Variants in PAK5 observed in about 807,000 individuals in gnomAD.
The protein encoded by PAK5 is serine/threonine-protein kinase PAK 5.
Under a neutral mutation model 65.9 loss-of-function variants are expected in PAK5, and 16 were observed. That is an observed-to-expected ratio of 0.24 (90% CI 0.16 to 0.37). The LOEUF (loss-of-function observed/expected upper bound fraction) is 0.37, where lower values mean the gene tolerates loss of function less well. PAK5 is among the 10% of genes least tolerant of loss of function. The pLI is 1.00. For synonymous variants in PAK5, 371 were observed against 354.9 expected (o/e 1.05, Z -0.51); for missense variants, 785 against 903.9 (o/e 0.87, Z 1.69).
At chr20:9,705,345 A>G (rs1420013301) in intron 2 of PAK5, among the ~76,000 whole-genome samples, 1 of 152,168 alleles carries the variant, frequency 6.6e-6, no homozygotes, top group Non-Finnish European at 1.5e-5. Flanking sequence ...ATTAGTAACC[A>G]GGGAAAATCA....
chr20:9,767,750 T>C (rs1423669282), intron 1 of PAK5, among the ~76,000 whole-genome samples: 1 of 152,162 alleles, frequency 6.6e-6, no homozygotes, highest in Non-Finnish European at 1.5e-5. Flanking sequence ...TCAGTGGTAT[T>C]GGGGGTTTGT....
intron 2 of PAK5, among the ~76,000 whole-genome samples, chr20:9,690,275 G>C (rs2047774726): frequency 6.6e-6 from 1 of 152,190 alleles, no homozygotes; most frequent in South Asian, 2.1e-4. Context: ...AGTGGCTGCT[G>C]TTCTTCAATA....
intron 2 of PAK5, among the ~76,000 whole-genome samples, chr20:9,657,461 T>C (rs2047284251): frequency 6.6e-6 from 1 of 152,240 alleles, no homozygotes; most frequent in Non-Finnish European, 1.5e-5. Flanking sequence ...TGAATAATAC[T>C]GTACAGGTTA....
At chr20:9,705,474 G>T (rs747524523) in intron 2 of PAK5, among the ~76,000 whole-genome samples, 1 of 152,160 alleles carries the variant, frequency 6.6e-6, no homozygotes, top group Non-Finnish European at 1.5e-5. Flanking sequence ...TGTTGGGAGT[G>T]TAAATTGCTA....
chr20:9,826,110 C>T (rs556644216), intron 1 of PAK5, among the ~76,000 whole-genome samples: 122 of 152,262 alleles, frequency 8.0e-4, no homozygotes, highest in Non-Finnish European at 9.0e-4. Context: ...CATGAAGAAA[C>T]ATGGTCAGTG....
chr20:9,729,210 G>T (rs933981138), intron 1 of PAK5, among the ~76,000 whole-genome samples: 1 of 151,666 alleles, frequency 6.6e-6, no homozygotes, highest in African/African-American at 2.4e-5. Context: ...ACTCCAGCCT[G>T]GGTGACAGAG....
At chr20:9,825,325 AGTAAG>A (rs1249359736) in intron 1 of PAK5, among the ~76,000 whole-genome samples, 1 of 152,212 alleles carries the variant, frequency 6.6e-6, no homozygotes, top group African/African-American at 2.4e-5. Flanking sequence ...ATTATTTTTT[AGTAAG>A]GTACAGTGAT....
At chr20:9,668,011 G>A (rs2047442879) in intron 2 of PAK5, among the ~76,000 whole-genome samples, 1 of 152,078 alleles carries the variant, frequency 6.6e-6, no homozygotes, top group South Asian at 2.1e-4. Flanking sequence ...ATGGAAATTT[G>A]AGTAGAATCT....
At chr20:9,771,583 T>TTTTTTTTG in intron 1 of PAK5, among the ~76,000 whole-genome samples, 1 of 18,488 alleles carries the variant, frequency 5.4e-5, no homozygotes, top group Non-Finnish European at 1.2e-4. Context: ...AATTTTTTAA[T>TTTTTTTTG]TTTTTTTTTT....
chr20:9,778,333 GC>G (rs1340196368), intron 1 of PAK5, among the ~76,000 whole-genome samples: 1 of 152,148 alleles, frequency 6.6e-6, no homozygotes. Flanking sequence ...AAACCCCTGG[GC>G]TCAAGTGATT....
At chr20:9,625,552 T>G (rs1324301006) in intron 3 of PAK5, among the ~76,000 whole-genome samples, 1 of 152,200 alleles carries the variant, frequency 6.6e-6, no homozygotes, top group African/African-American at 2.4e-5. Context: ...ATGATTTTTA[T>G]TTGTCTTCAT....
chr20:9,830,745 TTC>T (rs1978646448), intron 1 of PAK5, among the ~76,000 whole-genome samples: 1 of 152,208 alleles, frequency 6.6e-6, no homozygotes, highest in African/African-American at 2.4e-5. Flanking sequence ...AAAATGTACC[TTC>T]TGTGTGGGGC....
rs182636147 is a variant in PAK5, at chr20:9,663,433, C to T, written c.-11-19094G>A. Among the ~76,000 whole-genome samples the T allele has an allele frequency of 2.0e-5, 3 of 152,234 alleles. No individual in the cohort carries two copies. In the East Asian group the frequency reaches 5.8e-4, roughly 29 times the overall value. On this transcript the variant is annotated intron_variant, in intron 2 of 9. Coordinates refer to ENST00000353224, the MANE Select transcript of PAK5 (RefSeq NM_177990.4). ...AAATAGCATTGTCATTTCCCTCTCT[C>T]TGTTATGCATAATAATAAACCTTTG...
intron 1 of PAK5, among the ~76,000 whole-genome samples, chr20:9,769,565 C>T (rs1052421741): frequency 6.6e-5 from 10 of 152,196 alleles, no homozygotes; most frequent in African/African-American, 2.2e-4. Flanking sequence ...GAACTCTTCC[C>T]CTCAAAATTG....
intron 1 of PAK5, among the ~76,000 whole-genome samples, chr20:9,752,842 G>C (rs1381352775): frequency 6.6e-6 from 1 of 152,074 alleles, no homozygotes; most frequent in East Asian, 1.9e-4. Flanking sequence ...CTTGAATCTA[G>C]GCTTGGCTAT....
chr20:9,789,487 A>T (rs1306962591), intron 1 of PAK5, among the ~76,000 whole-genome samples: 1 of 152,186 alleles, frequency 6.6e-6, no homozygotes, highest in Non-Finnish European at 1.5e-5. Context: ...AGTTTCCATT[A>T]AGCCATTCTT....
At chr20:9,609,480 C>G (rs1041056309) in intron 3 of PAK5, among the ~76,000 whole-genome samples, 1 of 152,146 alleles carries the variant, frequency 6.6e-6, no homozygotes, top group South Asian at 2.1e-4. Flanking sequence ...CTCAAGGGGA[C>G]AGAGCAGGCC....
Position 9,539,480 on chromosome 20 carries a change from T to C in PAK5, c.2142A>G (p.Arg714=). 6.2e-7 allele frequency: 1 copy of C among 1,614,104 alleles called. No individual in the cohort carries two copies. The part of the protein sequence containing the change: ...GPPSCIVPLM[R]QYRHH ...CCTCTGCTCAGTGATGCCTGTATTG[T>C]CTCATGAGGGGGACGATGCAAGACG... Residue 714 remains arginine, a synonymous_variant, in exon 10 of 10, where the codon AGA becomes AGG. Transcript: ENST00000353224.
chr20:9,814,101 C>CAAGTAGAATGGA (rs1378715513), intron 1 of PAK5, among the ~76,000 whole-genome samples: 1 of 151,850 alleles, frequency 6.6e-6, no homozygotes, highest in Non-Finnish European at 1.5e-5. Context: ...GCATTCTAGG[C>CAAGTAGAATGGA]AAGTGCAATT....
Sources: allele counts gnomAD v4.1 joint callset (sites outside exome capture counted in the v4.1 genomes callset), GRCh38; gene constraint gnomAD v4.1.1; transcripts MANE v1.5; gene names NCBI Gene and HGNC (gene_info 2026-07-23, HGNC 2026-07-21).